The following TYW1 variants were observed in gnomAD, a reference collection of about 807,000 sequenced individuals.
TYW1 encodes S-adenosyl-L-methionine-dependent tRNA 4-demethylwyosine synthase TYW1.
A neutral mutation model predicts 96.2 loss-of-function variants in TYW1; 46 were observed. The observed-to-expected ratio is 0.48, with a 90% CI of 0.38 to 0.61. The LOEUF is 0.61. Ranked by LOEUF, TYW1 falls within the 20% of genes least tolerant of loss-of-function variation. The pLI is 0.00. For synonymous variants in TYW1, 274 were observed against 323.0 expected, an observed-to-expected ratio of 0.85 and a Z score of 1.63; for missense variants, 684 against 909.6, an observed-to-expected ratio of 0.75 and a Z score of 3.19.
intron 11 of TYW1, among the ~76,000 whole-genome samples, chr7:67,086,464 G>GGA (rs148800762): frequency 2.6e-5 from 4 of 151,738 alleles, no homozygotes; most frequent in Non-Finnish European, 2.9e-5. Flanking sequence ...GTGTGTGAGG[G>GGA]GAGAGAGAGA....
chr7:67,034,918 A>G (rs1794785339), intron 7 of TYW1, among the ~76,000 whole-genome samples: 2 of 152,322 alleles, frequency 1.3e-5, no homozygotes, highest in Non-Finnish European at 1.5e-5. Context: ...AGAGTTTCCC[A>G]TCTGTTTCCA....
chr7:67,158,082 ATTTTTTTT>A (rs560215948), intron 13 of TYW1, among the ~76,000 whole-genome samples: 2 of 102,164 alleles, frequency 2.0e-5, no homozygotes, highest in Non-Finnish European at 3.8e-5. Flanking sequence ...TTTGCTGAGG[ATTTTTTTT>A]TTTTTTTTTT....
At chr7:67,047,775 G>A (rs2129260384) in intron 7 of TYW1, among the ~76,000 whole-genome samples, 1 of 142,998 alleles carries the variant, frequency 7.0e-6, no homozygotes, top group East Asian at 2.0e-4. Context: ...TACTTTCTGT[G>A]AGTGTCAATT....
chr7:67,006,543 G>C (rs1013228572), intron 3 of TYW1, among the ~76,000 whole-genome samples: 1 of 148,610 alleles, frequency 6.7e-6, no homozygotes, highest in African/African-American at 2.5e-5. Context: ...AGGCTCAAGC[G>C]ATCCTTCCAC....
At chr7:67,048,897 C>T (rs1223366967) in intron 7 of TYW1, among the ~76,000 whole-genome samples, 1 of 152,206 alleles carries the variant, frequency 6.6e-6, no homozygotes, top group African/African-American at 2.4e-5. Context: ...GCCTGTAGTC[C>T]CAGCTACTTG....
intron 13 of TYW1, among the ~76,000 whole-genome samples, chr7:67,156,537 G>A (rs7796133): frequency 0.26 from 39,450 of 152,072 alleles, 5,606 homozygotes; most frequent in African/African-American, 0.38. Flanking sequence ...GGCTCTTTTC[G>A]TCCTGGGAGT....
chr7:67,086,970 C>T (rs1380140913), intron 11 of TYW1, among the ~76,000 whole-genome samples: 1 of 152,022 alleles, frequency 6.6e-6, no homozygotes, highest in African/African-American at 2.4e-5. Context: ...ATGTGTGTTT[C>T]CTGGACATCC....
At chr7:67,102,834 G>T (rs1369557106) in intron 12 of TYW1, among the ~76,000 whole-genome samples, 1 of 151,718 alleles carries the variant, frequency 6.6e-6, no homozygotes, top group Non-Finnish European at 1.5e-5. Flanking sequence ...TGTATTTTTA[G>T]TAGAGACGGG....
chr7:67,012,323 G>C (rs1353480737), intron 4 of TYW1, among the ~76,000 whole-genome samples: 1 of 152,088 alleles, frequency 6.6e-6, no homozygotes, highest in Non-Finnish European at 1.5e-5. Flanking sequence ...ATTCCAGCCT[G>C]GGTGACAGAG....
chr7:67,077,050 A>G (rs1330066959), intron 10 of TYW1, among the ~76,000 whole-genome samples: 1 of 152,176 alleles, frequency 6.6e-6, no homozygotes. Flanking sequence ...CTGGGATTAC[A>G]GGCGTGACCC....
At chr7:67,075,161 T>G (rs964428512) in intron 10 of TYW1, among the ~76,000 whole-genome samples, 2 of 152,230 alleles carry the variant, frequency 1.3e-5, no homozygotes, top group Non-Finnish European at 2.9e-5. Context: ...TAAAATGCTG[T>G]TCCACCAATT....
chr7:67,124,795 G>A (rs921077873), intron 13 of TYW1, among the ~76,000 whole-genome samples: 5 of 151,930 alleles, frequency 3.3e-5, no homozygotes, highest in African/African-American at 1.2e-4. Flanking sequence ...TACAGGTACT[G>A]AATATATCTT....
intron 7 of TYW1, among the ~76,000 whole-genome samples, chr7:67,026,972 G>A (rs1264376790): frequency 6.6e-6 from 1 of 152,114 alleles, no homozygotes; most frequent in East Asian, 1.9e-4. Context: ...GACGTGATGG[G>A]AGGATTTCTT....
At position 67,118,829 on chromosome 7, in the gene TYW1, G is replaced by A. The variant is rs1277931727; in HGVS notation, c.1698+1211G>A. Among the ~76,000 whole-genome samples the A allele has an allele frequency of 6.5e-5, 9 of 137,802 alleles. No homozygotes were observed. In the Admixed American group the frequency reaches 7.0e-4, roughly 11 times the overall value. 90.4% of individuals were successfully genotyped at this position (137,802 alleles called of 152,430 possible). A position where few individuals can be genotyped will look rare whatever the true frequency, so the allele number is the denominator to read the frequency against. ...TGGGAGGCAGAGGTTGTAGTGAGCC[G>A]AGATTGCGCCACTGCACTCCAGCGT... On this transcript the variant is annotated intron_variant, in intron 13 of 15. Coordinates refer to ENST00000359626, the MANE Select transcript of TYW1 (RefSeq NM_018264.4).
rs1052237234 is a variant in TYW1, at chr7:67,098,465, C to T, written c.1385-76C>T. 667 of 1,443,100 alleles carry T rather than the reference C, an allele frequency of 4.6e-4. 1 individual carries two copies. Among genetic ancestry groups the T allele is most frequent in the Non-Finnish European group, 5.8e-4 (637 of 1,089,318 alleles). 89.4% of individuals were successfully genotyped at this position (1,443,100 alleles called of 1,614,324 possible). On this transcript the variant is annotated intron_variant, in intron 11 of 15. Transcript: ENST00000359626. ...ATGAATTTGCTCTATAAAATCAAAG[C>T]ATCATTAAGAAAAACGTAAGTGACA...
intron 7 of TYW1, among the ~76,000 whole-genome samples, chr7:67,034,104 A>T (rs1794755594): frequency 8.4e-6 from 1 of 119,312 alleles, no homozygotes; most frequent in African/African-American, 3.1e-5. Context: ...ATTTATTTTT[A>T]TTTTATTTTT....
chr7:67,226,091 A>G lies in TYW1; in HGVS notation c.1978-12217A>G, dbSNP rs1347670733. Among the ~76,000 whole-genome samples the G allele has an allele frequency of 2.0e-5, 3 of 152,180 alleles. No homozygotes were observed. The East Asian group carries it at 5.8e-4, about 29-fold the overall frequency. ...ATGAAACCACCATTGCAAAATTATG[A>G]CTGAGACAATGAAAGAGATCTCACC... is the stretch of plus-strand genomic sequence containing the variant. On this transcript the variant is annotated intron_variant, in intron 15 of 15. Transcript: ENST00000359626.
At chr7:67,136,846 A>C (rs1798275899) in intron 13 of TYW1, among the ~76,000 whole-genome samples, 1 of 152,050 alleles carries the variant, frequency 6.6e-6, no homozygotes, top group African/African-American at 2.4e-5. Context: ...TTTTTGAGAC[A>C]GACTTTCACT....
At chr7:67,150,580 A>G (rs1798763766) in intron 13 of TYW1, among the ~76,000 whole-genome samples, 1 of 152,372 alleles carries the variant, frequency 6.6e-6, no homozygotes, top group African/African-American at 2.4e-5. Flanking sequence ...TTCATTTAGT[A>G]AAAGGACCAA....
Sources: allele counts gnomAD v4.1 joint callset (sites outside exome capture counted in the v4.1 genomes callset), GRCh38; gene constraint gnomAD v4.1.1; transcripts MANE v1.5; gene names NCBI Gene and HGNC (gene_info 2026-07-23, HGNC 2026-07-21).